Variants in CCL18 observed in about 807,000 individuals in gnomAD.
The protein encoded by CCL18 is C-C motif chemokine ligand 18, also known as C-C motif chemokine 18.
In CCL18, 7 loss-of-function variants were observed where a neutral mutation model predicts 8.0. The ratio of observed to expected loss-of-function variants is 0.87; its 90% confidence interval spans 0.50 to 1.64. The LOEUF is 1.64. Ranked by LOEUF, CCL18 falls within the 40% of genes most tolerant of loss-of-function variation. The pLI is 0.00. For synonymous variants in CCL18, 35 were observed against 41.3 expected, an observed-to-expected ratio of 0.85 and a Z score of 0.59; for missense variants, 95 against 107.8, an observed-to-expected ratio of 0.88 and a Z score of 0.52.
At position 36,070,509 on chromosome 17, in the gene CCL18, A is replaced by G; in HGVS notation, c.130A>G (p.Ile44Val). 1 of 1,614,114 alleles carries G rather than the reference A, an allele frequency of 6.2e-7. No homozygotes were observed. Among genetic ancestry groups the G allele is most frequent in the Non-Finnish European group, 8.5e-7 (1 of 1,179,940 alleles). The change falls in exon 2 of 3, where the codon ATA (isoleucine) becomes GTA (valine). Residue 44 changes from isoleucine to valine, a missense_variant. Physicochemically the swap from Ile to Val is conservative, Grantham distance 29. Transcript: ENST00000616054. ...YTSWQIPQKF[I>V]VDYSETSPQC... ...CTCCTGGCAGATTCCACAAAAGTTC[A>G]TAGTTGACTATTCTGAAACCAGCCC...
chr17:36,069,073 T>C (rs916678969), intron 1 of CCL18, among the ~76,000 whole-genome samples: 1 of 152,084 alleles, frequency 6.6e-6, no homozygotes, highest in Non-Finnish European at 1.5e-5. Context: ...CAGGTTGGTC[T>C]CACACTCTTG....
chr17:36,068,597 G>A (rs1381375357), intron 1 of CCL18, among the ~76,000 whole-genome samples: 2 of 152,258 alleles, frequency 1.3e-5, no homozygotes, highest in Non-Finnish European at 2.9e-5. Flanking sequence ...CATATAAAAA[G>A]CTATTTGAAC....
Position 36,070,697 on chromosome 17 carries a change from G to C in CCL18, c.179+139G>C. ...AGGCCCCTGCAGTGTTTTGTGACCT[G>C]GCCTGGGGCCTGCAGAGTCCTGAAG... On this transcript the variant is annotated intron_variant, in intron 2 of 2. Transcript: ENST00000616054. 4.6e-6 allele frequency: 3 copies of C among 651,550 alleles called. No homozygotes were observed. In the South Asian group the frequency reaches 5.6e-5, roughly 12 times the overall value. The allele number at this position is 651,550 out of a possible 1,614,324, so 40.4% of individuals were successfully genotyped here.
Position 36,064,321 on chromosome 17 carries a change from A to T in CCL18, c.-22A>T. 6.2e-7 allele frequency: 1 copy of T among 1,609,946 alleles called. No individual in the cohort carries two copies. The highest frequency in any genetic ancestry group is 8.5e-7 in the Non-Finnish European group (1 of 1,176,276). On this transcript the variant is annotated 5_prime_UTR_variant, in exon 1 of 3. Transcript: ENST00000616054. ...TTCCAAGCCCCAGCTCACTCTGACC[A>T]CTTCTCTGCCTGCCCAGCATCATGA... is the stretch of plus-strand genomic sequence containing the variant.
chr17:36,064,499 A>G, intron 1 of CCL18, 90 bp downstream of exon 1: 1 of 939,574 alleles, frequency 1.1e-6, no homozygotes, highest in Non-Finnish European at 1.7e-6. Flanking sequence ...CCCTCGTGTG[A>G]AATTAGGGAT....
At position 36,071,321 on chromosome 17, in the gene CCL18, C is replaced by T. The variant is rs1053298872; in HGVS notation, c.*280C>T. On this transcript the variant is annotated 3_prime_UTR_variant, in exon 3 of 3. Coordinates refer to ENST00000616054, the MANE Select transcript of CCL18 (RefSeq NM_002988.4). ...TCCCCTTTCCCTTCAACTCTTCGTA[C>T]ATTCAATGCATGGATCAATCAGTGT... 2 of 418,282 alleles carry T rather than the reference C, an allele frequency of 4.8e-6. No individual in the cohort carries two copies. The highest frequency in any genetic ancestry group is 4.0e-5 in the African/African-American group (2 of 49,450). 25.9% of individuals were successfully genotyped at this position (418,282 alleles called of 1,614,324 possible).
In CCL18 at chr17:36,071,697, T is replaced by C. The variant is rs545028628; in HGVS notation, c.*656T>C. 1 of 152,220 alleles carries C rather than the reference T, an allele frequency of 6.6e-6. No individual in the cohort carries two copies. The highest frequency in any genetic ancestry group is 6.5e-5 in the Admixed American group (1 of 15,278). 9.4% of individuals were successfully genotyped at this position (152,220 alleles called of 1,614,324 possible). On this transcript the variant is annotated 3_prime_UTR_variant, in exon 3 of 3. Transcript: ENST00000616054. ...TTGTAACTGAAATGTGATAGAAAAA[T>C]TTTCTACTTAAATGAATATCAAGAT...
intron 1 of CCL18, among the ~76,000 whole-genome samples, chr17:36,067,669 A>G (rs1337488103): frequency 6.6e-6 from 1 of 152,194 alleles, no homozygotes; most frequent in Non-Finnish European, 1.5e-5. Context: ...CCTGGGCAAC[A>G]GAGTGAGACT....
chr17:36,066,848 T>C (rs2066839753), intron 1 of CCL18, among the ~76,000 whole-genome samples: 1 of 152,218 alleles, frequency 6.6e-6, no homozygotes, highest in Admixed American at 6.5e-5. Context: ...CATTACATCG[T>C]GTTAATCGGA....
Position 36,070,577 on chromosome 17 carries a change from G to C in CCL18, c.179+19G>C, listed in dbSNP as rs374786557. On this transcript the variant is annotated intron_variant, in intron 2 of 2. Transcript: ENST00000616054. ...GTGTCATGTAAGTGCCAGTGCTCCT[G>C]CCCACCCCTCGGGAGGGAGGATGGG... The C allele has an allele frequency of 2.4e-5, 35 of 1,454,288 alleles. No individual in the cohort carries two copies. The African/African-American group carries it at 4.3e-4, about 18-fold the overall frequency. 90.1% of individuals were successfully genotyped at this position (1,454,288 alleles called of 1,614,324 possible).
chr17:36,070,999 G>T lies in CCL18; in HGVS notation c.228G>T (p.Lys76Asn). Residue 76 changes from lysine to asparagine, a missense_variant, in exon 3 of 3, where the codon AAG (lysine) becomes AAT (asparagine). Transcript: ENST00000616054. Reference protein sequence around the residue: ...GRQICADPNKKWVQKYISDLK... With the variant: ...GRQICADPNKNWVQKYISDLK... ...AGATCTGTGCTGACCCCAATAAGAAGTGGGTCCAGAAATACATCAGCGACC... is the reference window on the plus strand; with the variant it reads ...AGATCTGTGCTGACCCCAATAAGAATTGGGTCCAGAAATACATCAGCGACC... The T allele has an allele frequency of 1.2e-6, 2 of 1,614,092 alleles. No homozygotes were observed. The highest frequency in any genetic ancestry group is 1.7e-6 in the Non-Finnish European group (2 of 1,179,938).
intron 1 of CCL18, among the ~76,000 whole-genome samples, chr17:36,068,097 T>G (rs1247162998): frequency 6.6e-6 from 1 of 152,174 alleles, no homozygotes; most frequent in Non-Finnish European, 1.5e-5. Context: ...GTCTATGATA[T>G]TCCCACAATA....
At chr17:36,069,573 C>T (rs777324141) in intron 1 of CCL18, among the ~76,000 whole-genome samples, 38 of 152,182 alleles carry the variant, frequency 2.5e-4, no homozygotes, top group Admixed American at 1.6e-3. Flanking sequence ...GTACCCCGAA[C>T]TTAAAAGTTT....
chr17:36,067,726 A>G (rs1418372017), intron 1 of CCL18, among the ~76,000 whole-genome samples: 1 of 152,148 alleles, frequency 6.6e-6, no homozygotes, highest in Non-Finnish European at 1.5e-5. Context: ...CATATGTTAC[A>G]GTAGTGCATG....
chr17:36,066,046 A>G (rs575199131), intron 1 of CCL18, among the ~76,000 whole-genome samples: 1 of 152,328 alleles, frequency 6.6e-6, no homozygotes, highest in East Asian at 1.9e-4. Context: ...TGAATGACTG[A>G]GTTAGGCCCC....
chr17:36,064,358 G>C lies in CCL18; in HGVS notation c.16G>C (p.Ala6Pro), dbSNP rs762485548. 2 of 1,614,064 alleles carry C rather than the reference G, an allele frequency of 1.2e-6. No homozygotes were observed. The highest frequency in any genetic ancestry group is 4.5e-5 in the East Asian group (2 of 44,882). The change falls in exon 1 of 3, where the codon GCT (alanine) becomes CCT (proline). Residue 6 changes from alanine to proline, a missense_variant. Ala to Pro is a conservative substitution (Grantham distance 27, BLOSUM62 -1). Transcript: ENST00000616054. ...GCCCAGCATCATGAAGGGCCTTGCAGCTGCCCTCCTTGTCCTCGTCTGCAC... is the reference window on the plus strand; with the variant it reads ...GCCCAGCATCATGAAGGGCCTTGCACCTGCCCTCCTTGTCCTCGTCTGCAC... MKGLA[A>P]ALLVLVCTMA...
chr17:36,068,455 T>C (rs1325251034), intron 1 of CCL18, among the ~76,000 whole-genome samples: 1 of 152,208 alleles, frequency 6.6e-6, no homozygotes, highest in Non-Finnish European at 1.5e-5. Context: ...ACTCTCACAT[T>C]CCTGCCTCCG....
chr17:36,070,040 T>C (rs1045673602), intron 1 of CCL18, among the ~76,000 whole-genome samples: 1 of 152,076 alleles, frequency 6.6e-6, no homozygotes, highest in Non-Finnish European at 1.5e-5. Context: ...TCCCATTCTA[T>C]GGATGAGAAA....
At chr17:36,067,069 G>C (rs368977367) in intron 1 of CCL18, among the ~76,000 whole-genome samples, 1 of 152,180 alleles carries the variant, frequency 6.6e-6, no homozygotes, top group East Asian at 1.9e-4. Context: ...TAAGTAGTTC[G>C]AGTTGTGTTT....
Sources: gnomAD v4.1 joint callset for allele counts (sites outside exome capture counted in the v4.1 genomes callset) on GRCh38, gnomAD v4.1.1 for gene constraint, MANE v1.5 for transcripts, NCBI Gene and HGNC (gene_info 2026-07-23, HGNC 2026-07-21) for gene names.